Variants in ADGRA2 observed in about 807,000 individuals in gnomAD.
ADGRA2 encodes the protein G-protein coupled receptor 124.
Under a neutral mutation model 98.7 loss-of-function variants are expected in ADGRA2, and 61 were observed. The ratio of observed to expected loss-of-function variants is 0.62; its 90% CI spans 0.50 to 0.76. The LOEUF (loss-of-function observed/expected upper bound fraction) is 0.76, where lower values mean the gene tolerates loss of function less well. Ranked by LOEUF, ADGRA2 falls within the 30% of genes least tolerant of loss-of-function variation. The pLI, the probability that ADGRA2 is intolerant of heterozygous loss-of-function variation, is 0.00. For synonymous variants in ADGRA2, 858 were observed against 831.5 expected, an observed-to-expected ratio of 1.03 and a Z score of -0.55; for missense variants, 1,712 against 1,860.0, an observed-to-expected ratio of 0.92 and a Z score of 1.46.
intron 1 of ADGRA2, among the ~76,000 whole-genome samples, chr8:37,813,105 T>C (rs1804885135): frequency 6.6e-6 from 1 of 152,136 alleles, no homozygotes. Flanking sequence ...TGATGGCTCG[T>C]GCCTATAGTC....
chr8:37,815,029 G>C lies in ADGRA2; in HGVS notation c.338+62G>C, dbSNP rs374004135. On this transcript the variant is annotated intron_variant, in intron 2 of 18. Transcript: ENST00000412232. ...GGCCGTGATGGCAAGAGGTCACCCC[G>C]GGGAGGAGGAGGAACGCTGGTCGCT... The C allele has an allele frequency of 4.6e-3, 5,317 of 1,154,850 alleles. 21 individuals are homozygous for C. Among genetic ancestry groups the C allele is most frequent in the Non-Finnish European group, 6.2e-3 (4,737 of 762,816 alleles). The allele number at this position is 1,154,850 out of a possible 1,614,324, so 71.5% of individuals were successfully genotyped here. A position where few individuals can be genotyped will look rare whatever the true frequency, so the allele number is the denominator to read the frequency against.
Position 37,814,914 on chromosome 8 carries a change from G to C in ADGRA2, c.285G>C (p.Lys95Asn). 1 of 1,613,052 alleles carries C rather than the reference G, an allele frequency of 6.2e-7. No individual in the cohort carries two copies. The highest frequency in any genetic ancestry group is 8.5e-7 in the Non-Finnish European group (1 of 1,178,978). Residue 95 changes from lysine to asparagine, a missense_variant, in exon 2 of 19, where the codon AAG becomes AAC. Transcript: ENST00000412232. This position sits in a 1 kb window ranked among gnomAD's most constrained non-coding sequence, Gnocchi z 4.3. Reference sequence around the variant, plus strand: ...TCTTCAGGCTCTTGAGCAATAACAAGATCACGGGGCTCCGCAATGGCTCCT... The same window carrying C: ...TCTTCAGGCTCTTGAGCAATAACAACATCACGGGGCTCCGCAATGGCTCCT... ...GTVTLLLSNN[K>N]ITGLRNGSFL...
At position 37,833,117 on chromosome 8, in the gene ADGRA2, G is replaced by C; in HGVS notation, c.1205G>C (p.Arg402Pro). 6.2e-7 allele frequency: 1 copy of C among 1,612,988 alleles called. No individual in the cohort carries two copies. Among genetic ancestry groups the C allele is most frequent in the Non-Finnish European group, 8.5e-7 (1 of 1,179,792 alleles). The change falls in exon 9 of 19, where the codon CGG (arginine) becomes CCG (proline). Residue 402 changes from arginine to proline, a missense_variant. Coordinates refer to ENST00000412232, the MANE Select transcript of ADGRA2 (RefSeq NM_032777.10). Reference protein sequence around the residue: ...GGAPGTRASRRCDRAGRWEPG... With the variant: ...GGAPGTRASRPCDRAGRWEPG... ...GCCCCGGGCACCCGAGCCTCCCGCC[G>C]GTGTGACCGTGCCGGCCGCTGGGAG...
chr8:37,811,849 TC>T (rs1253226924), intron 1 of ADGRA2, among the ~76,000 whole-genome samples: 2 of 147,702 alleles, frequency 1.4e-5, no homozygotes, highest in Non-Finnish European at 3.0e-5. Flanking sequence ...ACACCTATAA[TC>T]CCAGCACTCT....
At chr8:37,799,739 C>A (rs1164659503) in intron 1 of ADGRA2, among the ~76,000 whole-genome samples, 1 of 152,094 alleles carries the variant, frequency 6.6e-6, no homozygotes, top group East Asian at 1.9e-4. Flanking sequence ...GATAGGATAC[C>A]CTTTAAGGAG....
At position 37,835,465 on chromosome 8, in the gene ADGRA2, G is replaced by A. The variant is rs937494493; in HGVS notation, c.1833+67G>A. 2.0e-6 allele frequency: 3 copies of A among 1,520,390 alleles called. No individual in the cohort carries two copies. The African/African-American group carries it at 4.1e-5, about 21-fold the overall frequency. The allele number at this position is 1,520,390 out of a possible 1,614,324, so 94.2% of individuals were successfully genotyped here. ...ACTCAGATGCAGGTGCCTGGTGGGG[G>A]CAGTGAGAGGAGGTGGGAGGAGGGG... On this transcript the variant is annotated intron_variant, in intron 12 of 18. Coordinates refer to ENST00000412232, the MANE Select transcript of ADGRA2 (RefSeq NM_032777.10).
In ADGRA2 at chr8:37,815,115, C is replaced by T. The variant is rs1804940417; in HGVS notation, c.338+148C>T. 9.4e-6 allele frequency: 6 copies of T among 641,216 alleles called. No homozygotes were observed. The Admixed American group carries it at 1.5e-4, about 16-fold the overall frequency. 39.7% of individuals were successfully genotyped at this position (641,216 alleles called of 1,614,324 possible). A position where few individuals can be genotyped will look rare whatever the true frequency, so the allele number is the denominator to read the frequency against. On this transcript the variant is annotated intron_variant, in intron 2 of 18. Coordinates refer to ENST00000412232, the MANE Select transcript of ADGRA2 (RefSeq NM_032777.10). ...GGAGTTAGACCCACTGGGACCCTGCCCAGGGCTTGACCAACAAGGAGAAGC... is the reference window on the plus strand; with the variant it reads ...GGAGTTAGACCCACTGGGACCCTGCTCAGGGCTTGACCAACAAGGAGAAGC...
At chr8:37,827,942 T>C (rs567402244) in intron 2 of ADGRA2, among the ~76,000 whole-genome samples, 10 of 152,272 alleles carry the variant, frequency 6.6e-5, no homozygotes, top group Admixed American at 2.0e-4. Context: ...AAGACCAGCC[T>C]GGGCAACATA....
rs1193791469 is a variant in ADGRA2, at chr8:37,830,339, A to G, written c.718+325A>G. ...AGGCGGGGCCAGTGTTATTCTCCCT[A>G]CTCCGCCTATGACTGTGTGCTGGGC... On this transcript the variant is annotated intron_variant, in intron 6 of 18. Coordinates refer to ENST00000412232, the MANE Select transcript of ADGRA2 (RefSeq NM_032777.10). This position sits in a 1 kb window ranked among gnomAD's most constrained non-coding sequence, Gnocchi z 4.8. 2.0e-5 allele frequency among the ~76,000 whole-genome samples: 3 copies of G among 151,374 alleles called. No individual in the cohort carries two copies.
chr8:37,799,725 T>G (rs1303238564), intron 1 of ADGRA2, among the ~76,000 whole-genome samples: 1 of 152,046 alleles, frequency 6.6e-6, no homozygotes, highest in Admixed American at 6.6e-5. Context: ...GCCATCAGGC[T>G]TAGGATAGGA....
intron 1 of ADGRA2, among the ~76,000 whole-genome samples, chr8:37,811,315 G>A (rs192660249): frequency 0.014 from 2,041 of 142,658 alleles, 41 homozygotes; most frequent in African/African-American, 0.051. Context: ...GATTACAGGC[G>A]CCTGCCACCA....
Position 37,842,265 on chromosome 8 carries a change from C to G in ADGRA2, c.3927C>G (p.Gly1309=). The G allele has an allele frequency of 1.3e-6, 2 of 1,568,484 alleles. No homozygotes were observed. The highest frequency in any genetic ancestry group is 1.9e-5 in the Admixed American group (1 of 52,660). The change falls in exon 19 of 19, where the codon GGC becomes GGG. Residue 1309 remains glycine, a synonymous_variant. Transcript: ENST00000412232. ...AASLNGAPKG[G]KYDDVTLMGA... Reference sequence around the variant, plus strand: ...GCCTAAACGGCGCCCCCAAGGGGGGCAAGTACGACGACGTCACCCTGATGG... The same window carrying G: ...GCCTAAACGGCGCCCCCAAGGGGGGGAAGTACGACGACGTCACCCTGATGG...
At chr8:37,832,985 G>A (rs1349637598) in intron 8 of ADGRA2, 25 bp from the exon 9 acceptor site, 16 of 1,590,234 alleles carry the variant, frequency 1.0e-5, no homozygotes, top group South Asian at 2.2e-5. Flanking sequence ...CCGGTTCATC[G>A]GCAACTTCCT....
rs1253136930 is a variant in ADGRA2, at chr8:37,833,113, C to T, written c.1201C>T (p.Arg401Cys). The T allele has an allele frequency of 2.5e-6, 4 of 1,612,868 alleles. No homozygotes were observed. The highest frequency in any genetic ancestry group is 1.1e-5 in the South Asian group (1 of 91,062). ...GGGTGCCCCGGGCACCCGAGCCTCC[C>T]GCCGGTGTGACCGTGCCGGCCGCTG... ...GGGAPGTRAS[R>C]RCDRAGRWEP... Residue 401 changes from arginine (R) to cysteine (C), a missense_variant, in exon 9 of 19, where the codon CGC becomes TGC. Arg to Cys is a radical substitution (Grantham distance 180, BLOSUM62 -3). Transcript: ENST00000412232.
chr8:37,827,969 AC>A (rs1805327583), intron 2 of ADGRA2, among the ~76,000 whole-genome samples: 1 of 148,012 alleles, frequency 6.8e-6, no homozygotes, highest in Admixed American at 6.7e-5. Flanking sequence ...CCCTGTCTCT[AC>A]CAAAAAAAAT....
At position 37,844,351 on chromosome 8, in the gene ADGRA2, AACTAATGGCAGAGCC is replaced by A; in HGVS notation, c.*1997_*2011del. 2 of 1,135,794 alleles carry A rather than the reference AACTAATGGCAGAGCC, an allele frequency of 1.8e-6. No homozygotes were observed. The highest frequency in any genetic ancestry group is 2.5e-6 in the Non-Finnish European group (2 of 794,010). 70.4% of individuals were successfully genotyped at this position (1,135,794 alleles called of 1,614,324 possible). A position where few individuals can be genotyped will look rare whatever the true frequency, so the allele number is the denominator to read the frequency against. Reference sequence around the variant, plus strand: ...GACTTTACTCCAGGACCCAGGGTCCAACTAATGGCAGAGCCCCTCTTGGTTCCTTCAAACAAGAAA... The same window carrying A: ...GACTTTACTCCAGGACCCAGGGTCCACCTCTTGGTTCCTTCAAACAAGAAA... On this transcript the variant is annotated 3_prime_UTR_variant, in exon 19 of 19. Transcript: ENST00000412232.
At chr8:37,815,074 C>T (rs995165900) in intron 2 of ADGRA2, 107 bp downstream of exon 2, 7 of 835,344 alleles carry the variant, frequency 8.4e-6, no homozygotes, top group African/African-American at 1.7e-5. Context: ...CAGAACCTGC[C>T]GGCCGAGCAG....
chr8:37,828,831 G>A (rs1264011480), intron 2 of ADGRA2, 57 bp from the exon 3 acceptor site: 11 of 1,415,366 alleles, frequency 7.8e-6, no homozygotes, highest in Non-Finnish European at 1.1e-5. Flanking sequence ...CCCCTCCCGG[G>A]GAGCAGGGCG....
chr8:37,841,356 G>A lies in ADGRA2; in HGVS notation c.3018G>A (p.Pro1006=), dbSNP rs1003326848. ...GSARVGTPGP[P]EDGDSLYSPG... ...CGCGAGTGGGGACGCCCGGGCCCCC[G>A]GAGGATGGTGACAGCCTCTATTCTC... Residue 1006 remains proline, a synonymous_variant, in exon 19 of 19, where the codon CCG becomes CCA. Transcript: ENST00000412232. This position sits in a 1 kb window ranked among gnomAD's most constrained non-coding sequence, Gnocchi z 5.0. 1.2e-6 allele frequency: 2 copies of A among 1,606,894 alleles called. No individual in the cohort carries two copies. The highest frequency in any genetic ancestry group is 1.7e-5 in the Admixed American group (1 of 58,818).
Sources: gnomAD v4.1 joint callset for allele counts (sites outside exome capture counted in the v4.1 genomes callset) on GRCh38, gnomAD v4.1.1 for gene constraint, Gnocchi (gnomAD v3.1) non-coding constraint, MANE v1.5 for transcripts, NCBI Gene and HGNC (gene_info 2026-07-23, HGNC 2026-07-21) for gene names.